PDE2A: variants seen among roughly 807,000 people sequenced by gnomAD.
The protein encoded by PDE2A is cGMP-dependent 3',5'-cyclic phosphodiesterase.
Under a neutral mutation model 133.6 loss-of-function variants are expected in PDE2A, and 53 were observed. The ratio of observed to expected loss-of-function variants is 0.40; its 90% confidence interval spans 0.32 to 0.50. The LOEUF (loss-of-function observed/expected upper bound fraction) is 0.50. Ranked by LOEUF, PDE2A falls within the 20% of genes least tolerant of loss-of-function variation. PDE2A has a pLI of 0.73. For missense variants in PDE2A, 796 were observed against 1,232.4 expected, an observed-to-expected ratio of 0.65 and a Z score of 5.30; for synonymous variants, 491 against 490.2, an observed-to-expected ratio of 1.00 and a Z score of -0.02.
At chr11:72,580,645 T>C (rs1489029934) in intron 24 of PDE2A, 21 bp from the exon 25 acceptor site, 1 of 1,554,034 alleles carries the variant, frequency 6.4e-7, no homozygotes, top group Non-Finnish European at 8.7e-7. Flanking sequence ...CCAGGAAAAC[T>C]GTGGTCACTC....
At chr11:72,585,297 G>T in intron 16 of PDE2A, 74 bp downstream of exon 16, 2 of 1,231,670 alleles carry the variant, frequency 1.6e-6, no homozygotes, top group Non-Finnish European at 2.4e-6. Context: ...GGAAGTGGGT[G>T]GGGCAGGAAA....
chr11:72,651,462 G>A (rs921067220), intron 1 of PDE2A, among the ~76,000 whole-genome samples: 5 of 152,108 alleles, frequency 3.3e-5, no homozygotes, highest in Non-Finnish European at 5.9e-5. Context: ...TGGGTGTCCT[G>A]GAAGGGGCAC....
At chr11:72,614,796 G>A (rs1857379423) in intron 2 of PDE2A, among the ~76,000 whole-genome samples, 1 of 152,142 alleles carries the variant, frequency 6.6e-6, no homozygotes, top group Non-Finnish European at 1.5e-5. Context: ...AGCCAATGAG[G>A]GGACGCCCCA....
chr11:72,673,091 C>T (rs1855420568), intron 1 of PDE2A, among the ~76,000 whole-genome samples: 1 of 152,108 alleles, frequency 6.6e-6, no homozygotes, highest in South Asian at 2.1e-4. Flanking sequence ...CCTCCACACA[C>T]AGCAATGCTA....
At chr11:72,671,620 G>T (rs536189626) in intron 1 of PDE2A, among the ~76,000 whole-genome samples, 1 of 152,092 alleles carries the variant, frequency 6.6e-6, no homozygotes, top group Non-Finnish European at 1.5e-5. Context: ...GAATGACTGC[G>T]GGGGGTGGGG....
At chr11:72,648,591 C>G (rs573804267) in intron 1 of PDE2A, among the ~76,000 whole-genome samples, 1 of 152,138 alleles carries the variant, frequency 6.6e-6, no homozygotes, top group Non-Finnish European at 1.5e-5. Flanking sequence ...TTGTCTGCAG[C>G]AGATGGCTGG....
At chr11:72,644,881 C>T (rs1044455017) in intron 1 of PDE2A, among the ~76,000 whole-genome samples, 7 of 152,156 alleles carry the variant, frequency 4.6e-5, no homozygotes, top group African/African-American at 9.7e-5. Flanking sequence ...CTCAGCCTCC[C>T]GAGTAGATGG....
intron 2 of PDE2A, among the ~76,000 whole-genome samples, chr11:72,613,590 T>C (rs1857321845): frequency 6.6e-6 from 1 of 151,776 alleles, no homozygotes; most frequent in Admixed American, 6.6e-5. Flanking sequence ...CACCTCCGCG[T>C]CCTCTCTTCC....
chr11:72,629,687 T>G (rs1858273860), intron 2 of PDE2A, among the ~76,000 whole-genome samples: 1 of 152,180 alleles, frequency 6.6e-6, no homozygotes, highest in South Asian at 2.1e-4. Flanking sequence ...CCAGGCCCTG[T>G]GTGGGCACCT....
chr11:72,596,484 TCACACACACACACACA>T (rs60716742), intron 6 of PDE2A, 93 bp downstream of exon 6: 2 of 192,344 alleles, frequency 1.0e-5, no homozygotes, highest in East Asian at 9.5e-5. Context: ...TCTCTCTCTC[TCACACACACACACACA>T]CACACACACA....
At chr11:72,579,507 T>TGCCCCCCCCCC in intron 26 of PDE2A, 27 bp downstream of exon 26, 1 of 1,354,172 alleles carries the variant, frequency 7.4e-7, no homozygotes, top group Non-Finnish European at 1.0e-6. Flanking sequence ...TCCCCCTCAA[T>TGCCCCCCCCCC]CCCCACCCCA....
intron 26 of PDE2A, 75 bp from the exon 27 acceptor site, chr11:72,579,458 C>A: frequency 6.4e-7 from 1 of 1,554,924 alleles, no homozygotes; most frequent in Admixed American, 1.8e-5. Context: ...TGAGCCTCCA[C>A]TCCTTGGCTC....
At chr11:72,664,149 G>A (rs1855157801) in intron 1 of PDE2A, among the ~76,000 whole-genome samples, 1 of 152,094 alleles carries the variant, frequency 6.6e-6, no homozygotes. Context: ...CCATCTCCAG[G>A]GCTCTGGCTC....
At chr11:72,668,438 T>A in intron 1 of PDE2A, 1 of 716,676 alleles carries the variant, frequency 1.4e-6, no homozygotes, top group Non-Finnish European at 2.6e-6. Context: ...TGTGTGAACA[T>A]GTGAGAAGTC....
intron 2 of PDE2A, among the ~76,000 whole-genome samples, chr11:72,630,096 A>G (rs1016240352): frequency 3.9e-5 from 6 of 152,150 alleles, no homozygotes; most frequent in Admixed American, 1.3e-4. Context: ...GAAGAGTCCT[A>G]TGAGGCACCC....
rs183507054 is a variant in PDE2A at position 72,624,334 on chromosome 11, C to T, written c.145-15583G>A. Among the ~76,000 whole-genome samples the T allele has an allele frequency of 9.1e-4, 139 of 152,294 alleles. 1 individual carries two copies. The highest frequency in any genetic ancestry group is 1.4e-3 in the Non-Finnish European group (93 of 68,036). ...GGACGGTGTTACTTTCCCGCCTGAA[C>T]CCATCGGTGCCTTCCCATGACAGTG... is the stretch of plus-strand genomic sequence containing the variant. On this transcript the variant is annotated intron_variant, in intron 2 of 30. Transcript: ENST00000334456.
intron 2 of PDE2A, among the ~76,000 whole-genome samples, chr11:72,640,031 C>T (rs984763588): frequency 1.3e-5 from 2 of 152,098 alleles, no homozygotes; most frequent in African/African-American, 4.8e-5. Flanking sequence ...AACACACACA[C>T]CGCCAGCTCA....
chr11:72,603,780 G>T (rs1049677002), intron 4 of PDE2A, among the ~76,000 whole-genome samples: 4 of 152,218 alleles, frequency 2.6e-5, no homozygotes, highest in Non-Finnish European at 5.9e-5. Context: ...TGACGGAGAA[G>T]TTGTTAGGGG....
intron 2 of PDE2A, among the ~76,000 whole-genome samples, chr11:72,617,242 G>A (rs557463638): frequency 6.6e-6 from 1 of 152,370 alleles, no homozygotes; most frequent in African/African-American, 2.4e-5. Context: ...TGCTGAAGGA[G>A]GCGGCCTGGC....
Sources: gnomAD v4.1 joint callset for allele counts (sites outside exome capture counted in the v4.1 genomes callset) on GRCh38, gnomAD v4.1.1 for gene constraint, MANE v1.5 for transcripts, NCBI Gene and HGNC (gene_info 2026-07-23, HGNC 2026-07-21) for gene names.